Variants in CD58 observed in about 807,000 individuals in gnomAD.
CD58 encodes the protein lymphocyte function-associated antigen 3.
A neutral mutation model predicts 27.6 loss-of-function variants in CD58; 14 were observed. The ratio of observed to expected loss-of-function variants is 0.51; its 90% CI spans 0.34 to 0.79. The LOEUF (loss-of-function observed/expected upper bound fraction) is 0.79, where lower values mean the gene tolerates loss of function less well. CD58 is among the 30% of genes least tolerant of loss of function. The pLI, the probability that CD58 is intolerant of heterozygous loss-of-function variation, is 0.02. For missense variants in CD58, 268 were observed against 301.7 expected (o/e 0.89, Z 0.83); for synonymous variants, 117 against 103.8 (o/e 1.13, Z -0.77).
chr1:116,536,876 C>A lies in CD58; in HGVS notation c.365-648G>T, dbSNP rs887257245. On this transcript the variant is annotated intron_variant, in intron 2 of 5. Transcript: ENST00000369489. This position sits in a 1 kb window ranked among gnomAD's most constrained non-coding sequence, Gnocchi z 5.4. ...AGTTGGTAGCAAAATCGTTTAGCTG[C>A]AAATCCTGACCTGACCTGAATTAAC... Among the ~76,000 whole-genome samples, 1 of 152,196 alleles carries A rather than the reference C, an allele frequency of 6.6e-6. No individual in the cohort carries two copies. Among genetic ancestry groups the A allele is most frequent in the Non-Finnish European group, 1.5e-5 (1 of 68,028 alleles).
chr1:116,530,864 G>A (rs1657580998), intron 3 of CD58, among the ~76,000 whole-genome samples: 1 of 152,106 alleles, frequency 6.6e-6, no homozygotes, highest in Admixed American at 6.5e-5. Context: ...CATTTTAAAA[G>A]GAGAAGGTCC....
chr1:116,547,443 A>G (rs1402079700), intron 1 of CD58, among the ~76,000 whole-genome samples: 3 of 150,490 alleles, frequency 2.0e-5, no homozygotes, highest in African/African-American at 4.9e-5. Flanking sequence ...CTCCTGCCTC[A>G]GCCTCCTGAG....
chr1:116,530,708 A>G (rs1657576498), intron 3 of CD58, among the ~76,000 whole-genome samples: 2 of 152,180 alleles, frequency 1.3e-5, no homozygotes, highest in Non-Finnish European at 1.5e-5. Context: ...CTAGTATTTA[A>G]CTGTTATACT....
chr1:116,517,440 A>G lies in CD58; in HGVS notation c.743+1791T>C, dbSNP rs542678068. 7.9e-5 allele frequency among the ~76,000 whole-genome samples: 12 copies of G among 152,150 alleles called. No homozygotes were observed. In the South Asian group the frequency reaches 2.5e-3, roughly 32 times the overall value. On this transcript the variant is annotated intron_variant, in intron 5 of 5. Coordinates refer to ENST00000369489, the MANE Select transcript of CD58 (RefSeq NM_001779.3). The surrounding 1 kb of genome is among the most constrained non-coding windows in gnomAD (Gnocchi z 6.5). ...CCTGCACTGTTCCACCTGGCAGCTG[A>G]GGAGAAAGGACACCTGTGGCCCATC...
chr1:116,558,907 A>G (rs906320393), intron 1 of CD58, among the ~76,000 whole-genome samples: 5 of 152,344 alleles, frequency 3.3e-5, no homozygotes, highest in South Asian at 2.1e-4. Flanking sequence ...TTGTTCATCA[A>G]ATGTTCATGG....
rs1657363775 is a variant in CD58 at position 116,524,345 on chromosome 1, A to G, written c.629-2362T>C. Among the ~76,000 whole-genome samples, 1 of 152,212 alleles carries G rather than the reference A, an allele frequency of 6.6e-6. No homozygotes were observed. Among genetic ancestry groups the G allele is most frequent in the African/African-American group, 2.4e-5 (1 of 41,450 alleles). On this transcript the variant is annotated intron_variant, in intron 3 of 5. Coordinates refer to ENST00000369489, the MANE Select transcript of CD58 (RefSeq NM_001779.3). This position sits in a 1 kb window ranked among gnomAD's most constrained non-coding sequence, Gnocchi z 4.6. ...ACACCAGGTAACACTGGTCACTCAA[A>G]TCTGGGTCCAAGAACCAAGAAGCAT...
rs888260885 is a variant in CD58, at chr1:116,550,951, G to T, written c.71-6347C>A. On this transcript the variant is annotated intron_variant, in intron 1 of 5. Coordinates refer to ENST00000369489, the MANE Select transcript of CD58 (RefSeq NM_001779.3). The surrounding 1 kb of genome is among the most constrained non-coding windows in gnomAD (Gnocchi z 4.2). Reference sequence around the variant, plus strand: ...CATTGTCAACAAGCAATAATATACTGAAATGAATCTTTTTTTTCTAAGCAG... The same window carrying T: ...CATTGTCAACAAGCAATAATATACTTAAATGAATCTTTTTTTTCTAAGCAG... Among the ~76,000 whole-genome samples the T allele has an allele frequency of 7.2e-5, 11 of 152,130 alleles. No individual in the cohort carries two copies. Among genetic ancestry groups the T allele is most frequent in the African/African-American group, 2.2e-4 (9 of 41,408 alleles).
chr1:116,551,726 TTTTC>T (rs927772305), intron 1 of CD58, among the ~76,000 whole-genome samples: 24 of 151,048 alleles, frequency 1.6e-4, no homozygotes, highest in South Asian at 4.1e-4. Flanking sequence ...GGCTTTTTTT[TTTTC>T]TTTCTTTCTT....
At position 116,516,980 on chromosome 1, in the gene CD58, T is replaced by C. The variant is rs1306960122; in HGVS notation, c.744-2158A>G. On this transcript the variant is annotated intron_variant, in intron 5 of 5. Transcript: ENST00000369489. The surrounding 1 kb of genome is among the most constrained non-coding windows in gnomAD (Gnocchi z 6.1). The stretch of plus-strand genomic sequence containing the variant: ...AGCTAGCACAGTGCCTGGTATCGCA[T>C]AATCTCCATAACGTTTGTTGTGATG... Among the ~76,000 whole-genome samples the C allele has an allele frequency of 6.6e-6, 1 of 152,108 alleles. No individual in the cohort carries two copies. The highest frequency in any genetic ancestry group is 1.9e-4 in the East Asian group (1 of 5,180).
chr1:116,523,888 C>T lies in CD58; in HGVS notation c.629-1905G>A, dbSNP rs1657346079. Among the ~76,000 whole-genome samples, 1 of 152,168 alleles carries T rather than the reference C, an allele frequency of 6.6e-6. No homozygotes were observed. The highest frequency in any genetic ancestry group is 1.5e-5 in the Non-Finnish European group (1 of 68,028). On this transcript the variant is annotated intron_variant, in intron 3 of 5. Coordinates refer to ENST00000369489, the MANE Select transcript of CD58 (RefSeq NM_001779.3). This position sits in a 1 kb window ranked among gnomAD's most constrained non-coding sequence, Gnocchi z 4.4. ...TTTTTCAAAATAATGAGTTAGCTCC[C>T]AAGCATTCTCTAGAGATGACCAGTG...
At chr1:116,560,473 T>C (rs1009773844) in intron 1 of CD58, among the ~76,000 whole-genome samples, 4 of 152,234 alleles carry the variant, frequency 2.6e-5, no homozygotes, top group Non-Finnish European at 5.9e-5. Context: ...CAGTTCATCG[T>C]TGGGAAACTC....
intron 3 of CD58, among the ~76,000 whole-genome samples, chr1:116,535,697 C>G (rs545943355): frequency 7.7e-6 from 1 of 130,482 alleles, no homozygotes. Flanking sequence ...AAAAATTAGC[C>G]GGGCGTGGTG....
intron 3 of CD58, among the ~76,000 whole-genome samples, chr1:116,529,521 G>A (rs1657530789): frequency 6.6e-6 from 1 of 152,132 alleles, no homozygotes; most frequent in Non-Finnish European, 1.5e-5. Flanking sequence ...AGTACAGTGG[G>A]GAAGACACAG....
intron 1 of CD58, among the ~76,000 whole-genome samples, chr1:116,568,755 T>G (rs2101239656): frequency 6.6e-6 from 1 of 152,360 alleles, no homozygotes; most frequent in East Asian, 1.9e-4. Context: ...AGTGGTACTC[T>G]CTTCAAAAGT....
At chr1:116,530,450 C>A (rs1254877556) in intron 3 of CD58, among the ~76,000 whole-genome samples, 2 of 152,140 alleles carry the variant, frequency 1.3e-5, no homozygotes, top group Admixed American at 6.5e-5. Context: ...CGTGATCCAC[C>A]CGCCTCAGCC....
chr1:116,519,676 A>G lies in CD58; in HGVS notation c.707-409T>C, dbSNP rs569680595. Among the ~76,000 whole-genome samples the G allele has an allele frequency of 7.9e-5, 12 of 152,350 alleles. No homozygotes were observed. Among genetic ancestry groups the G allele is most frequent in the South Asian group, 2.1e-4 (1 of 4,832 alleles). On this transcript the variant is annotated intron_variant, in intron 4 of 5. Coordinates refer to ENST00000369489, the MANE Select transcript of CD58 (RefSeq NM_001779.3). This position sits in a 1 kb window ranked among gnomAD's most constrained non-coding sequence, Gnocchi z 4.7. Reference sequence around the variant, plus strand: ...AAATTTTAATATTTTATTTAACACAATGTGTCACAAATATAAAATTATTTC... The same window carrying G: ...AAATTTTAATATTTTATTTAACACAGTGTGTCACAAATATAAAATTATTTC...
chr1:116,545,869 C>T (rs1173640148), intron 1 of CD58, among the ~76,000 whole-genome samples: 1 of 152,186 alleles, frequency 6.6e-6, no homozygotes, highest in Non-Finnish European at 1.5e-5. Context: ...TGCTCTAGGA[C>T]TTGTCTCTTG....
intron 1 of CD58, among the ~76,000 whole-genome samples, chr1:116,566,152 CTG>C (rs1339551865): frequency 2.0e-5 from 3 of 152,092 alleles, no homozygotes; most frequent in African/African-American, 7.2e-5. Context: ...AAGTTGGAGA[CTG>C]TAATGAAAAA....
Position 116,527,525 on chromosome 1 carries a change from T to C in CD58, c.629-5542A>G, listed in dbSNP as rs904489338. On this transcript the variant is annotated intron_variant, in intron 3 of 5. Coordinates refer to ENST00000369489, the MANE Select transcript of CD58 (RefSeq NM_001779.3). The surrounding 1 kb of genome is among the most constrained non-coding windows in gnomAD (Gnocchi z 4.4). ...ACCTGCCTTGCACACCTGAGATAAA[T>C]ACCACTTAGTCATGATGTATAATTC... Among the ~76,000 whole-genome samples, 1 of 152,228 alleles carries C rather than the reference T, an allele frequency of 6.6e-6. No homozygotes were observed. Among genetic ancestry groups the C allele is most frequent in the African/African-American group, 2.4e-5 (1 of 41,458 alleles).
Sources: allele counts gnomAD v4.1 joint callset (sites outside exome capture counted in the v4.1 genomes callset), GRCh38; gene constraint gnomAD v4.1.1; non-coding constraint Gnocchi (gnomAD v3.1); transcripts MANE v1.5; gene names NCBI Gene and HGNC (gene_info 2026-07-23, HGNC 2026-07-21).